TRIM37: variants seen among roughly 807,000 people sequenced by gnomAD.
The protein encoded by TRIM37 is tripartite motif containing 37, also known as E3 ubiquitin-protein ligase TRIM37.
Under a neutral mutation model 129.8 loss-of-function variants are expected in TRIM37, and 80 were observed. The ratio of observed to expected loss-of-function variants is 0.62; its 90% confidence interval spans 0.51 to 0.74. The LOEUF (loss-of-function observed/expected upper bound fraction) is 0.74. Among genes scored for constraint, TRIM37 ranks in the 30% least tolerant of loss-of-function variants. TRIM37 has a pLI of 0.00. For missense variants in TRIM37, 1,054 were observed against 1,176.5 expected, an observed-to-expected ratio of 0.90 and a Z score of 1.52; for synonymous variants, 389 against 387.1, an observed-to-expected ratio of 1.00 and a Z score of -0.06.
chr17:59,041,397 T>C (rs893953091), intron 17 of TRIM37, among the ~76,000 whole-genome samples: 8 of 152,218 alleles, frequency 5.3e-5, no homozygotes, highest in African/African-American at 1.2e-4. Context: ...GATCATTCTA[T>C]AGTCTAGCAA....
rs558463970 is a variant in TRIM37, at chr17:59,106,417, C to T, written c.21+24G>A. ...CTCATCGGGTGGGGGCGGGGACTAA[C>T]CACCACCCTCACAACCCCCTCACCT... On this transcript the variant is annotated intron_variant, in intron 1 of 23. Coordinates refer to ENST00000262294, the MANE Select transcript of TRIM37 (RefSeq NM_015294.6). 1.7e-5 allele frequency: 27 copies of T among 1,613,994 alleles called. No homozygotes were observed. The East Asian group carries it at 5.1e-4, about 31-fold the overall frequency.
At chr17:59,049,460 G>GAA in intron 14 of TRIM37, 67 bp from the exon 15 acceptor site, 6 of 1,327,804 alleles carry the variant, frequency 4.5e-6, no homozygotes, top group South Asian at 2.5e-5. Context: ...TGTCTCAAGT[G>GAA]AAAAAAAAAT....
chr17:59,065,588 A>G (rs2041862002), intron 9 of TRIM37, among the ~76,000 whole-genome samples: 2 of 152,198 alleles, frequency 1.3e-5, no homozygotes, highest in African/African-American at 4.8e-5. Context: ...AGAACACCTC[A>G]AAACTCATTA....
the TRIM37 span, chr17:58,969,761 TG>T: frequency 6.3e-7 from 1 of 1,597,096 alleles, no homozygotes; most frequent in Non-Finnish European, 8.6e-7. Context: ...CAGCTAGAAA[TG>T]TACTAGCTGA....
intron 19 of TRIM37, among the ~76,000 whole-genome samples, chr17:59,022,807 C>T (rs1259921967): frequency 1.3e-5 from 2 of 151,988 alleles, no homozygotes; most frequent in Admixed American, 6.6e-5. Flanking sequence ...AAAAGATATT[C>T]GGCCTCACCT....
chr17:58,977,767 G>T (rs2031104423), downstream of TRIM37, among the ~76,000 whole-genome samples: 1 of 152,158 alleles, frequency 6.6e-6, no homozygotes, highest in Admixed American at 6.5e-5. Context: ...TTTTGAGACA[G>T]AGTCTCCCTC....
intron 12 of TRIM37, 90 bp from the exon 13 acceptor site, chr17:59,057,144 A>C: frequency 9.0e-7 from 1 of 1,111,032 alleles, no homozygotes; most frequent in Non-Finnish European, 1.3e-6. Flanking sequence ...CTAAGTAATT[A>C]CCTGAGAAGA....
chr17:59,038,985 T>C (rs1444591416), intron 17 of TRIM37, among the ~76,000 whole-genome samples: 1 of 152,138 alleles, frequency 6.6e-6, no homozygotes, highest in African/African-American at 2.4e-5. Context: ...TCAGTAACTT[T>C]CTCCTGATAG....
intron 19 of TRIM37, among the ~76,000 whole-genome samples, chr17:59,019,673 G>A (rs925312419): frequency 6.6e-6 from 1 of 151,410 alleles, no homozygotes; most frequent in African/African-American, 2.4e-5. Context: ...GTGCCACTAC[G>A]CTCCAGCCTG....
chr17:59,089,101 A>T (rs1055788475), intron 3 of TRIM37, among the ~76,000 whole-genome samples: 22 of 152,042 alleles, frequency 1.4e-4, no homozygotes, highest in African/African-American at 5.3e-4. Flanking sequence ...GTCTCTATAA[A>T]AAATTAGCCA....
chr17:59,017,074 G>A (rs2036036611), intron 20 of TRIM37, among the ~76,000 whole-genome samples: 1 of 152,060 alleles, frequency 6.6e-6, no homozygotes. Context: ...GCTGAGGCAG[G>A]AGGATCTCTT....
chr17:59,004,464 A>G (rs1002943696), intron 22 of TRIM37, among the ~76,000 whole-genome samples: 1 of 152,078 alleles, frequency 6.6e-6, no homozygotes, highest in Non-Finnish European at 1.5e-5. Flanking sequence ...AAACATAATA[A>G]AATCAGCAGA....
At chr17:58,993,852 C>T (rs1463359879), downstream of TRIM37, among the ~76,000 whole-genome samples, 5 of 151,912 alleles carry the variant, frequency 3.3e-5, no homozygotes, top group Non-Finnish European at 5.9e-5. Context: ...GTTACACCAA[C>T]GAAGCACAAA....
chr17:59,042,623 C>G (rs761711799), intron 16 of TRIM37, among the ~76,000 whole-genome samples: 1 of 150,538 alleles, frequency 6.6e-6, no homozygotes, highest in Non-Finnish European at 1.5e-5. Context: ...ATTAGCTGGG[C>G]GTTGTGGTGG....
intron 17 of TRIM37, among the ~76,000 whole-genome samples, chr17:59,037,557 C>CAAAAAAAAAAAAAAAAAAAAAAAAA (rs58856834): frequency 1.4e-5 from 1 of 73,998 alleles, no homozygotes; most frequent in African/African-American, 5.1e-5. Flanking sequence ...GACTCTGTCT[C>CAAAAAAAAAAAAAAAAAAAAAAAAA]AAAAAAAAAA....
intron 22 of TRIM37, among the ~76,000 whole-genome samples, chr17:59,011,282 C>T (rs1418692131): frequency 2.0e-5 from 3 of 152,104 alleles, no homozygotes; most frequent in Non-Finnish European, 4.4e-5. Flanking sequence ...ACATCATTTA[C>T]AAAAATCTTT....
In TRIM37 at chr17:59,040,841, T is replaced by C. The variant is rs569466804; in HGVS notation, c.1753+972A>G. On this transcript the variant is annotated intron_variant, in intron 17 of 23. Coordinates refer to ENST00000262294, the MANE Select transcript of TRIM37 (RefSeq NM_015294.6). Reference sequence around the variant, plus strand: ...GCGGGTGGATCATGAGGTCAGGAGATCAAGACCATCCTGGCTAACAAGGTG... The same window carrying C: ...GCGGGTGGATCATGAGGTCAGGAGACCAAGACCATCCTGGCTAACAAGGTG... Among the ~76,000 whole-genome samples the C allele has an allele frequency of 3.2e-3, 480 of 151,070 alleles. 5 individuals carry two copies. Among genetic ancestry groups the C allele is most frequent in the Non-Finnish European group, 4.9e-3 (329 of 67,754 alleles).
intron 12 of TRIM37, among the ~76,000 whole-genome samples, chr17:59,060,592 C>T (rs2041393880): frequency 6.6e-6 from 1 of 152,106 alleles, no homozygotes; most frequent in East Asian, 1.9e-4. Context: ...TCAAAAAGTA[C>T]ATTTGTGGTT....
chr17:59,023,806 CTAGACAATGCAA>C, intron 19 of TRIM37, among the ~76,000 whole-genome samples: 1 of 152,064 alleles, frequency 6.6e-6, no homozygotes, highest in East Asian at 1.9e-4. Flanking sequence ...AGGTACCTGC[CTAGACAATGCAA>C]TACAAAAAGT....
Sources: allele counts gnomAD v4.1 joint callset (sites outside exome capture counted in the v4.1 genomes callset), GRCh38; gene constraint gnomAD v4.1.1; transcripts MANE v1.5; gene names NCBI Gene and HGNC (gene_info 2026-07-23, HGNC 2026-07-21).